The following TEX10 variants were observed in gnomAD, a reference collection of about 807,000 sequenced individuals.
TEX10 encodes testis-expressed protein 10.
Under a neutral mutation model 104.4 loss-of-function variants are expected in TEX10, and 24 were observed. That is an observed-to-expected ratio of 0.23 (90% CI 0.17 to 0.32). The LOEUF (loss-of-function observed/expected upper bound fraction) is 0.32. TEX10 is among the 10% of genes least tolerant of loss of function. The probability of loss-of-function intolerance (pLI) is 1.00; values close to 1 mark genes in which losing one functional copy is unlikely to be tolerated. For missense variants in TEX10, 921 were observed against 1,083.9 expected (o/e 0.85, Z 2.11); for synonymous variants, 396 against 393.4 (o/e 1.01, Z -0.08).
chr9:100,338,698 G>A lies in TEX10; in HGVS notation c.1250+1559C>T, dbSNP rs533472225. 3.9e-5 allele frequency among the ~76,000 whole-genome samples: 6 copies of A among 152,202 alleles called. 1 individual carries two copies. The South Asian group carries it at 1.2e-3, about 32-fold the overall frequency. On this transcript the variant is annotated intron_variant, in intron 5 of 14. Transcript: ENST00000374902. ...AGGTAAGGAGTTTGAGACCATCCTGGCTAATATGGTGAAAGAAACCCCATC... is the reference window on the plus strand; with the variant it reads ...AGGTAAGGAGTTTGAGACCATCCTGACTAATATGGTGAAAGAAACCCCATC...
chr9:100,332,087 G>A (rs1362715940), intron 5 of TEX10, among the ~76,000 whole-genome samples: 3 of 152,166 alleles, frequency 2.0e-5, no homozygotes, highest in African/African-American at 7.2e-5. Flanking sequence ...AGACGGAGAT[G>A]GCCAACAGAT....
chr9:100,346,357 T>A (rs756981335), intron 3 of TEX10, 42 bp from the exon 4 acceptor site: 1 of 1,566,516 alleles, frequency 6.4e-7, no homozygotes, highest in Non-Finnish European at 8.6e-7. Context: ...GATTAAAAAA[T>A]GTTTATTATC....
In TEX10 at chr9:100,302,936, C is replaced by CCG. The variant is rs1554732272; in HGVS notation, c.2677-633_2677-632insCG. On this transcript the variant is annotated intron_variant, in intron 14 of 14. Transcript: ENST00000374902. The stretch of plus-strand genomic sequence containing the variant: ...AAGACACTTTTTTAACCGCCCCCCC[C>CCG]CCAAACTAAAATCACCAAAGGAATC... 2.1e-3 allele frequency among the ~76,000 whole-genome samples: 322 copies of CCG among 149,994 alleles called. 1 individual carries two copies. The highest frequency in any genetic ancestry group is 3.1e-3 in the Non-Finnish European group (209 of 67,670).
chr9:100,352,095 T>C (rs1441132212), intron 1 of TEX10, among the ~76,000 whole-genome samples: 1 of 152,230 alleles, frequency 6.6e-6, no homozygotes, highest in Non-Finnish European at 1.5e-5. Flanking sequence ...ATAAATAGTT[T>C]GCCTGCCACC....
intron 4 of TEX10, 28 bp from the exon 5 acceptor site, chr9:100,340,397 T>C: frequency 7.3e-7 from 1 of 1,368,230 alleles, no homozygotes. Flanking sequence ...ATTAGAAAAA[T>C]CTACAAGAAA....
At chr9:100,306,503 G>A (rs934424860) in intron 13 of TEX10, 1 of 152,162 alleles carries the variant, frequency 6.6e-6, no homozygotes, top group Non-Finnish European at 1.5e-5. Context: ...CTGAGGCAAG[G>A]AGACAATAGA....
At chr9:100,325,521 CT>C (rs1345700320) in intron 9 of TEX10, among the ~76,000 whole-genome samples, 1 of 152,126 alleles carries the variant, frequency 6.6e-6, no homozygotes, top group African/African-American at 2.4e-5. Context: ...GAACTTGTCT[CT>C]TGAAATATTA....
At chr9:100,313,937 T>C (rs1834347462) in intron 11 of TEX10, among the ~76,000 whole-genome samples, 1 of 151,896 alleles carries the variant, frequency 6.6e-6, no homozygotes, top group Non-Finnish European at 1.5e-5. Context: ...GTGATACTGG[T>C]GTCACAGAAT....
Position 100,320,343 on chromosome 9 carries a change from G to A in TEX10, c.2124C>T (p.Val708=). ...GCACAGGGGAAAGCTGTGTCTGGAT[G>A]ACATGAGGAACTCCTCGAAGGCTCT... ...WLQSLRGVPH[V]IQTQLSPVLL... is the part of the protein sequence containing the mutation. Residue 708 remains valine (V), a synonymous_variant, in exon 11 of 15, where the codon GTC becomes GTT. Transcript: ENST00000374902. 6.2e-7 allele frequency: 1 copy of A among 1,613,236 alleles called. No homozygotes were observed. The highest frequency in any genetic ancestry group is 2.2e-5 in the East Asian group (1 of 44,844).
intron 13 of TEX10, chr9:100,304,365 A>G (rs1297114797): frequency 6.2e-6 from 1 of 161,422 alleles, no homozygotes; most frequent in Non-Finnish European, 1.4e-5. Flanking sequence ...TGGTAATGAT[A>G]GAGAACAACA....
chr9:100,321,590 T>C, intron 10 of TEX10, 93 bp downstream of exon 10: 1 of 1,006,316 alleles, frequency 9.9e-7, no homozygotes, highest in Non-Finnish European at 1.5e-6. Flanking sequence ...TCTTCAAAAC[T>C]GAACCAAACT....
In TEX10 at chr9:100,320,165, T is replaced by C. The variant is rs535481748; in HGVS notation, c.2202+100A>G. On this transcript the variant is annotated intron_variant, in intron 11 of 14. Transcript: ENST00000374902. ...TTATAAGCACTTTAAACAAGTATCT[T>C]TGAAAAGATCTCACACAAGGCAACT... 8.9e-6 allele frequency: 10 copies of C among 1,128,216 alleles called. No individual in the cohort carries two copies. The South Asian group carries it at 1.8e-4, about 21-fold the overall frequency. The allele number at this position is 1,128,216 out of a possible 1,614,324, so 69.9% of individuals were successfully genotyped here.
At position 100,330,142 on chromosome 9, in the gene TEX10, A is replaced by G. The variant is rs746659642; in HGVS notation, c.1278T>C (p.Asn426=). The G allele has an allele frequency of 3.1e-6, 5 of 1,613,276 alleles. No individual in the cohort carries two copies. Among genetic ancestry groups the G allele is most frequent in the South Asian group, 1.1e-5 (1 of 90,894 alleles). The change falls in exon 6 of 15, where the codon AAT becomes AAC. Residue 426 remains asparagine, a synonymous_variant. Coordinates refer to ENST00000374902, the MANE Select transcript of TEX10 (RefSeq NM_017746.4). ...KSIKHCTVLS[N]NIDHLLLNLT... is the part of the protein sequence containing the mutation. ...AATTCAGTAAGAGATGATCTATGTT[A>G]TTGGAGAGAACTGTGCAATGCTTGA... is the stretch of plus-strand genomic sequence containing the variant.
intron 2 of TEX10, among the ~76,000 whole-genome samples, chr9:100,348,599 C>G (rs1039642322): frequency 3.3e-5 from 5 of 152,168 alleles, no homozygotes; most frequent in Non-Finnish European, 7.3e-5. Context: ...AAATTTGACA[C>G]ATCAAAAACA....
intron 11 of TEX10, among the ~76,000 whole-genome samples, chr9:100,318,235 T>C (rs1195159005): frequency 1.3e-5 from 2 of 152,150 alleles, no homozygotes; most frequent in East Asian, 1.9e-4. Flanking sequence ...AACGTATGCG[T>C]GGATAAAGAA....
intron 1 of TEX10, 65 bp downstream of exon 1, chr9:100,352,707 A>T (rs1169129970): frequency 6.9e-6 from 9 of 1,298,140 alleles, no homozygotes; most frequent in Non-Finnish European, 8.8e-6. Flanking sequence ...TCGGGGGGCG[A>T]CGGCCCCACC....
rs1834087018 is a variant in TEX10, at chr9:100,304,153, T to C, written c.2466-311A>G. 2.8e-5 allele frequency: 11 copies of C among 389,444 alleles called. No individual in the cohort carries two copies. The South Asian group carries it at 2.9e-4, about 10-fold the overall frequency. 24.1% of individuals were successfully genotyped at this position (389,444 alleles called of 1,614,324 possible). A position where few individuals can be genotyped will look rare whatever the true frequency, so the allele number is the denominator to read the frequency against. On this transcript the variant is annotated intron_variant, in intron 13 of 14. Coordinates refer to ENST00000374902, the MANE Select transcript of TEX10 (RefSeq NM_017746.4). ...GCTCATGAATTGGAATAATCAGTAT[T>C]GTTAAAATGGCCACACTGCTCAAAG...
At position 100,316,654 on chromosome 9, in the gene TEX10, T is replaced by G. The variant is rs192674157; in HGVS notation, c.2202+3611A>C. Among the ~76,000 whole-genome samples, 620 of 152,088 alleles carry G rather than the reference T, an allele frequency of 4.1e-3. 5 individuals carry two copies. The highest frequency in any genetic ancestry group is 0.014 in the African/African-American group (592 of 41,504). ...TCTCGCTCTGTTGCCCCAACTGGAGTGCAGTGGCACAGTCATAGTTCACTG... is the reference window on the plus strand; with the variant it reads ...TCTCGCTCTGTTGCCCCAACTGGAGGGCAGTGGCACAGTCATAGTTCACTG... On this transcript the variant is annotated intron_variant, in intron 11 of 14. Transcript: ENST00000374902.
chr9:100,317,906 C>T (rs961092456), intron 11 of TEX10, among the ~76,000 whole-genome samples: 44 of 152,154 alleles, frequency 2.9e-4, no homozygotes, highest in African/African-American at 9.2e-4. Context: ...CATCAGAGAA[C>T]TACAAATTAA....
Sources: gnomAD v4.1 joint callset for allele counts (sites outside exome capture counted in the v4.1 genomes callset) on GRCh38, gnomAD v4.1.1 for gene constraint, MANE v1.5 for transcripts, NCBI Gene and HGNC (gene_info 2026-07-23, HGNC 2026-07-21) for gene names.